The following KCTD1 variants were observed in gnomAD, a reference collection of about 807,000 sequenced individuals.
KCTD1 encodes the protein BTB/POZ domain-containing protein KCTD1.
KCTD1 carries 24 observed loss-of-function variants against 66.0 expected under a neutral mutation model. That is an observed-to-expected ratio of 0.36 (90% CI 0.26 to 0.51). KCTD1 has a LOEUF of 0.51. Ranked by LOEUF, KCTD1 falls within the 20% of genes least tolerant of loss-of-function variation. The pLI, the probability that KCTD1 is intolerant of heterozygous loss-of-function variation, is 0.95. For missense variants in KCTD1, 943 were observed against 1,205.2 expected, an observed-to-expected ratio of 0.78 and a Z score of 3.22; for synonymous variants, 511 against 517.2, an observed-to-expected ratio of 0.99 and a Z score of 0.16.
chr18:26,587,854 G>A (rs776361902), intron 1 of KCTD1, among the ~76,000 whole-genome samples: 1 of 152,212 alleles, frequency 6.6e-6, no homozygotes, highest in Non-Finnish European at 1.5e-5. Flanking sequence ...GTTAACAGAT[G>A]TGGAGTTGTT....
chr18:26,490,967 G>A (rs1982168305), intron 2 of KCTD1, among the ~76,000 whole-genome samples: 1 of 152,046 alleles, frequency 6.6e-6, no homozygotes, highest in South Asian at 2.1e-4. Context: ...TGCCCAGGCT[G>A]GTCTCAAACT....
At chr18:26,542,260 T>C (rs1329001339) in intron 1 of KCTD1, among the ~76,000 whole-genome samples, 1 of 152,234 alleles carries the variant, frequency 6.6e-6, no homozygotes, top group East Asian at 1.9e-4. Flanking sequence ...TCAATCCATA[T>C]CCCCTTTTTT....
At chr18:26,593,507 TG>T (rs1986676275) in intron 1 of KCTD1, among the ~76,000 whole-genome samples, 1 of 35,668 alleles carries the variant, frequency 2.8e-5, no homozygotes, top group Non-Finnish European at 5.3e-5. Context: ...AGGAGGAAGA[TG>T]AGGAGGAGGA....
At chr18:26,651,391 C>T (rs1231835879) in intron 1 of KCTD1, among the ~76,000 whole-genome samples, 6 of 152,206 alleles carry the variant, frequency 3.9e-5, no homozygotes, top group Admixed American at 1.3e-4. Flanking sequence ...TCTTTGACTT[C>T]AGGAAACGGA....
At chr18:26,514,547 CTCAAAAA>C (rs1457354032) in intron 1 of KCTD1, among the ~76,000 whole-genome samples, 63 of 81,030 alleles carry the variant, frequency 7.8e-4, no homozygotes, top group East Asian at 1.5e-3. Flanking sequence ...GAGACCTTGT[CTCAAAAA>C]AAAAAAAAAA....
At chr18:26,497,083 G>A (rs1982517117) in intron 2 of KCTD1, among the ~76,000 whole-genome samples, 1 of 152,162 alleles carries the variant, frequency 6.6e-6, no homozygotes, top group Admixed American at 6.5e-5. Flanking sequence ...TTCTAAGGGT[G>A]CTCTTTAGCC....
At chr18:26,614,152 G>A (rs1257311762) in intron 1 of KCTD1, among the ~76,000 whole-genome samples, 5 of 152,166 alleles carry the variant, frequency 3.3e-5, no homozygotes, top group Non-Finnish European at 1.5e-5. Flanking sequence ...TCCTAGTCTA[G>A]TGTCTACTCC....
upstream of KCTD1, among the ~76,000 whole-genome samples, chr18:26,633,462 T>C (rs1170595196): frequency 6.6e-6 from 1 of 152,134 alleles, no homozygotes; most frequent in Non-Finnish European, 1.5e-5. Context: ...TAGTTGACCA[T>C]ATCGTAAATG....
upstream of KCTD1, chr18:26,548,894 C>G: frequency 1.0e-6 from 1 of 994,162 alleles, no homozygotes; most frequent in South Asian, 4.7e-5. Context: ...AACTTACCCT[C>G]TGGCGGAGAA....
chr18:26,523,469 A>G (rs1163440260), intron 1 of KCTD1, among the ~76,000 whole-genome samples: 1 of 152,176 alleles, frequency 6.6e-6, no homozygotes, highest in East Asian at 1.9e-4. Context: ...GGATCAAATA[A>G]GATATATGTG....
At chr18:26,608,647 T>C (rs1987069588) in intron 1 of KCTD1, among the ~76,000 whole-genome samples, 1 of 152,190 alleles carries the variant, frequency 6.6e-6, no homozygotes, top group South Asian at 2.1e-4. Context: ...CTTTGTTGTA[T>C]TTTATGTGTC....
intron 1 of KCTD1, among the ~76,000 whole-genome samples, chr18:26,572,276 T>C (rs1986128369): frequency 6.6e-6 from 1 of 152,216 alleles, no homozygotes; most frequent in Non-Finnish European, 1.5e-5. Flanking sequence ...GTCAGGCTGG[T>C]CTTGAACTCC....
Position 26,547,220 on chromosome 18 carries a change from G to C in KCTD1, c.1317C>G (p.Ser439=). ...NLLGTRMQML[S]KAAKLSKTYT... ...AGGTCTTGGAGAGCTTGGCCGCCTT[G>C]GAGAGCATCTGCATCCGAGTGCCTA... Residue 439 remains serine (S), a synonymous_variant, in exon 1 of 5, where the codon TCC becomes TCG. Transcript: ENST00000580059. 6.4e-7 allele frequency: 1 copy of C among 1,550,476 alleles called. No homozygotes were observed. Among genetic ancestry groups the C allele is most frequent in the Non-Finnish European group, 8.7e-7 (1 of 1,146,690 alleles).
intron 1 of KCTD1, chr18:26,599,583 T>C (rs1986842818): frequency 1.3e-6 from 2 of 1,507,426 alleles, no homozygotes; most frequent in African/African-American, 2.7e-5. Flanking sequence ...GAATCCAGCT[T>C]TGACATTATT....
intron 1 of KCTD1, chr18:26,575,540 G>A (rs571760354): frequency 6.6e-6 from 1 of 152,346 alleles, no homozygotes; most frequent in East Asian, 1.9e-4. Flanking sequence ...AGACAGCCAG[G>A]TCAGAAATGG....
chr18:26,633,143 A>C (rs1987656808), upstream of KCTD1, among the ~76,000 whole-genome samples: 2 of 152,192 alleles, frequency 1.3e-5, no homozygotes, highest in Admixed American at 6.5e-5. Flanking sequence ...TAGATCAGTG[A>C]AAGAGAAAAG....
chr18:26,489,898 C>T (rs1982105161), intron 2 of KCTD1, among the ~76,000 whole-genome samples: 1 of 152,116 alleles, frequency 6.6e-6, no homozygotes, highest in Non-Finnish European at 1.5e-5. Context: ...CTATGAAATG[C>T]TTATGAATTT....
intron 1 of KCTD1, among the ~76,000 whole-genome samples, chr18:26,579,657 T>C (rs192920271): frequency 6.6e-6 from 1 of 152,334 alleles, no homozygotes; most frequent in East Asian, 1.9e-4. Context: ...AAAAGTTATT[T>C]CCCATCATCA....
chr18:26,614,577 C>G (rs1398570972), intron 1 of KCTD1, among the ~76,000 whole-genome samples: 1 of 152,144 alleles, frequency 6.6e-6, no homozygotes. Context: ...TGACAGAATG[C>G]TTTGGACCCA....
Sources: allele counts gnomAD v4.1 joint callset (sites outside exome capture counted in the v4.1 genomes callset), GRCh38; gene constraint gnomAD v4.1.1; transcripts MANE v1.5; gene names NCBI Gene and HGNC (gene_info 2026-07-23, HGNC 2026-07-21).